The following RASIP1 variants were observed in gnomAD, a reference collection of about 807,000 sequenced individuals.
RASIP1 encodes ras-interacting protein 1.
RASIP1 carries 20 observed loss-of-function variants against 85.3 expected under a neutral mutation model. The observed-to-expected ratio is 0.23, with a 90% CI of 0.17 to 0.34. The LOEUF (loss-of-function observed/expected upper bound fraction) is 0.34. Among genes scored for constraint, RASIP1 ranks in the 10% least tolerant of loss-of-function variants. The probability of loss-of-function intolerance (pLI) is 1.00; values close to 1 mark genes in which losing one functional copy is unlikely to be tolerated. For missense variants in RASIP1, 1,170 were observed against 1,390.9 expected, an observed-to-expected ratio of 0.84 and a Z score of 2.53; for synonymous variants, 617 against 647.1, an observed-to-expected ratio of 0.95 and a Z score of 0.71.
chr19:48,728,143 A>G (rs2033375376), intron 5 of RASIP1, among the ~76,000 whole-genome samples: 1 of 152,008 alleles, frequency 6.6e-6, no homozygotes, highest in African/African-American at 2.4e-5. Context: ...GTTAGGCCCT[A>G]GCTCAATAGG....
chr19:48,731,556 A>C (rs2033458939), intron 4 of RASIP1, among the ~76,000 whole-genome samples: 1 of 152,206 alleles, frequency 6.6e-6, no homozygotes, highest in South Asian at 2.1e-4. Context: ...GAAGACAGGC[A>C]TTCCAGAAGA....
chr19:48,729,447 G>A lies in RASIP1; in HGVS notation c.1323C>T (p.Arg441=), dbSNP rs755559742. 8.9e-6 allele frequency: 14 copies of A among 1,566,416 alleles called. No homozygotes were observed. The highest frequency in any genetic ancestry group is 7.6e-5 in the Admixed American group (4 of 52,782). The change falls in exon 5 of 12, where the codon CGC becomes CGT. Residue 441 remains arginine (R), a synonymous_variant. Transcript: ENST00000222145. ...PDILPRHCTV[R]AGPEHPAMVR... The stretch of plus-strand genomic sequence containing the variant: ...CCATGGCCGGGTGCTCAGGGCCCGC[G>A]CGCACTGTGCAGTGACGCGGCAGGA...
Position 48,738,838 on chromosome 19 carries a change from C to G in RASIP1, c.823+122G>C. The stretch of plus-strand genomic sequence containing the variant: ...CGCACCGTCCAGTCCCCTCCCAGTC[C>G]CCTCCCGCGGGCCCCGCCCCCAGCC... On this transcript the variant is annotated intron_variant, in intron 3 of 11. Transcript: ENST00000222145. The surrounding 1 kb of genome is among the most constrained non-coding windows in gnomAD (Gnocchi z 4.0). The G allele has an allele frequency of 9.0e-7, 1 of 1,105,422 alleles. No individual in the cohort carries two copies. The highest frequency in any genetic ancestry group is 1.1e-6 in the Non-Finnish European group (1 of 890,302). The allele number at this position is 1,105,422 out of a possible 1,614,324, so 68.5% of individuals were successfully genotyped here.
chr19:48,729,245 C>A lies in RASIP1; in HGVS notation c.1525G>T (p.Ala509Ser). ...RPPWLPARPGATPPGPGWAFS... is the reference protein window; with the variant it reads ...RPPWLPARPGSTPPGPGWAFS... ...GCCCAGCCAGGGCCTGGCGGCGTGG[C>A]CCCGGGGCGCGCGGGCAGCCACGGC... The change falls in exon 5 of 12, where the codon GCC (alanine) becomes TCC (serine). Residue 509 changes from alanine to serine, a missense_variant. Ala to Ser is a moderately conservative substitution (Grantham distance 99). Around this residue, in one of 4 missense-constraint regions of RASIP1, gnomAD observed 426 missense variants for 576.2 expected, o/e 0.74. Coordinates refer to ENST00000222145, the MANE Select transcript of RASIP1 (RefSeq NM_017805.3). The A allele has an allele frequency of 6.9e-7, 1 of 1,441,498 alleles. No individual in the cohort carries two copies. Among genetic ancestry groups the A allele is most frequent in the South Asian group, 1.4e-5 (1 of 69,094 alleles). 89.3% of individuals were successfully genotyped at this position (1,441,498 alleles called of 1,614,324 possible).
At chr19:48,721,694 T>G (rs1350457800) in intron 11 of RASIP1, among the ~76,000 whole-genome samples, 160 bp downstream of exon 11, 1 of 152,110 alleles carries the variant, frequency 6.6e-6, no homozygotes, top group Non-Finnish European at 1.5e-5. Flanking sequence ...TCCCAGCTAC[T>G]CGGGAGGCTG....
rs951574484 is a variant in RASIP1 at position 48,740,072 on chromosome 19, G to C, written c.137+74C>G. ...TGAGGACCGGAGCCAACACTTTGCA[G>C]GGACTGGGCAGTGAACAGGGACAGA... is the stretch of plus-strand genomic sequence containing the variant. On this transcript the variant is annotated intron_variant, in intron 2 of 11. Transcript: ENST00000222145. This position sits in a 1 kb window ranked among gnomAD's most constrained non-coding sequence, Gnocchi z 5.5. 1 of 1,469,774 alleles carries C rather than the reference G, an allele frequency of 6.8e-7. No individual in the cohort carries two copies. Among genetic ancestry groups the C allele is most frequent in the Non-Finnish European group, 9.0e-7 (1 of 1,111,926 alleles). The allele number at this position is 1,469,774 out of a possible 1,614,324, so 91.0% of individuals were successfully genotyped here.
chr19:48,728,747 G>GC (rs1568478110), intron 5 of RASIP1, among the ~76,000 whole-genome samples, 190 bp downstream of exon 5: 1 of 151,014 alleles, frequency 6.6e-6, no homozygotes, highest in Non-Finnish European at 1.5e-5. Context: ...GGGTAACAGA[G>GC]CGAGACTCCG....
intron 5 of RASIP1, among the ~76,000 whole-genome samples, chr19:48,728,593 G>C (rs2033383729): frequency 6.6e-6 from 1 of 152,020 alleles, no homozygotes. Flanking sequence ...GTGAAACCCC[G>C]TCTTACTAAA....
intron 3 of RASIP1, chr19:48,737,639 G>A: frequency 4.1e-6 from 4 of 985,306 alleles, no homozygotes; most frequent in Non-Finnish European, 4.8e-6. Flanking sequence ...TCACTCTGCA[G>A]GTGTCGCCCC....
At chr19:48,729,668 C>A in intron 4 of RASIP1, 78 bp from the exon 5 acceptor site, 138 of 955,252 alleles carry the variant, frequency 1.4e-4, no homozygotes, top group Middle Eastern at 6.6e-4. Context: ...TTTTCTACAA[C>A]AACTTTTCTA....
At position 48,735,288 on chromosome 19, in the gene RASIP1, G is replaced by A. The variant is rs776967874; in HGVS notation, c.1087C>T (p.Pro363Ser). 9 of 1,613,960 alleles carry A rather than the reference G, an allele frequency of 5.6e-6. No homozygotes were observed. In the Admixed American group the frequency reaches 1.5e-4, roughly 27 times the overall value. Reference protein sequence around the residue: ...AADAQIGTADPGDFDQLTQCL... With the variant: ...AADAQIGTADSGDFDQLTQCL... ...TGAGTCAACTGATCGAAGTCCCCGG[G>A]GTCTGCAGTTCCGATTTGGGCGTCG... The change falls in exon 4 of 12, where the codon CCC becomes TCC. Residue 363 changes from proline (P) to serine (S), a missense_variant. Physicochemically the swap from Pro to Ser is moderately conservative, Grantham distance 74. This residue lies in a region of RASIP1 where 301 missense variants were observed against 294.8 expected (regional missense o/e 1.02). Transcript: ENST00000222145.
Position 48,721,840 on chromosome 19 carries a change from C to A in RASIP1, c.2692+14G>T. The stretch of plus-strand genomic sequence containing the variant: ...AAGCTGACAGCCCCAATGCTGTATC[C>A]CATTGCTCCTCACCTGTGTCCACAG... On this transcript the variant is annotated intron_variant, in intron 11 of 11. Transcript: ENST00000222145. 6.2e-7 allele frequency: 1 copy of A among 1,600,038 alleles called. No homozygotes were observed. The highest frequency in any genetic ancestry group is 8.5e-7 in the Non-Finnish European group (1 of 1,174,324).
chr19:48,725,109 G>GA lies in RASIP1; in HGVS notation c.2128-150dup, dbSNP rs1266479550. ...CAGTCAACACCCAAAGGGTCTCCGT[G>GA]AGCAAATCCCTACTTGATAGAAGGG... is the stretch of plus-strand genomic sequence containing the variant. On this transcript the variant is annotated intron_variant, in intron 8 of 11. Coordinates refer to ENST00000222145, the MANE Select transcript of RASIP1 (RefSeq NM_017805.3). 3.4e-6 allele frequency: 3 copies of GA among 882,740 alleles called. No individual in the cohort carries two copies. In the Admixed American group the frequency reaches 8.7e-5, roughly 26 times the overall value. The allele number at this position is 882,740 out of a possible 1,614,324, so 54.7% of individuals were successfully genotyped here. A position where few individuals can be genotyped will look rare whatever the true frequency, so the allele number is the denominator to read the frequency against.
At position 48,740,487 on chromosome 19, in the gene RASIP1, G is replaced by A. The variant is rs1311729994; in HGVS notation, c.-5+34C>T. On this transcript the variant is annotated intron_variant, in intron 1 of 11. Transcript: ENST00000222145. This position sits in a 1 kb window ranked among gnomAD's most constrained non-coding sequence, Gnocchi z 5.5. ...GGACTGAGTCTTGGGGCCCAGGGAGGAGGGGTTTGGGCTGCTGGGTCCCTG... is the reference window on the plus strand; with the variant it reads ...GGACTGAGTCTTGGGGCCCAGGGAGAAGGGGTTTGGGCTGCTGGGTCCCTG... 2.1e-6 allele frequency: 3 copies of A among 1,402,382 alleles called. No homozygotes were observed. The highest frequency in any genetic ancestry group is 3.3e-5 in the South Asian group (2 of 60,486). The allele number at this position is 1,402,382 out of a possible 1,614,324, so 86.9% of individuals were successfully genotyped here. A position where few individuals can be genotyped will look rare whatever the true frequency, so the allele number is the denominator to read the frequency against.
rs754613166 is a variant in RASIP1, at chr19:48,724,947, G to C, written c.2141C>G (p.Thr714Arg). The C allele has an allele frequency of 5.0e-5, 80 of 1,611,638 alleles. No homozygotes were observed. The highest frequency in any genetic ancestry group is 2.8e-4 in the African/African-American group (21 of 74,880). ...VYYLTKTLYS[T>R]LPALLDSNPF... ...GTTACTATCCAGGAGAGCAGGCAGC[G>C]TTGAATAGAGAGTCTGAGAAAATAG... Residue 714 changes from threonine (T) to arginine (R), a missense_variant, in exon 9 of 12, where the codon ACG (threonine) becomes AGG (arginine). This residue lies in a region of RASIP1 where 426 missense variants were observed against 576.2 expected (regional missense o/e 0.74). Transcript: ENST00000222145. This position sits in a 1 kb window ranked among gnomAD's most constrained non-coding sequence, Gnocchi z 4.6.
chr19:48,720,999 T>A lies in RASIP1; in HGVS notation c.2693-2A>T, dbSNP rs1282197431. The A allele has an allele frequency of 6.3e-7, 1 of 1,592,128 alleles. No homozygotes were observed. The highest frequency in any genetic ancestry group is 1.1e-5 in the South Asian group (1 of 90,286). On this transcript the variant is annotated splice_acceptor_variant, in intron 11 of 11. Transcript: ENST00000222145. LOFTEE classifies it high-confidence loss of function. ...AGGAGAAGCTTTCGAAGATGTCCCC[T>A]GTGAGGCCGAAGGCGGCGCGGTTAG... is the stretch of plus-strand genomic sequence containing the variant.
intron 4 of RASIP1, among the ~76,000 whole-genome samples, chr19:48,733,090 C>T (rs927414362): frequency 6.6e-6 from 1 of 152,184 alleles, no homozygotes; most frequent in African/African-American, 2.4e-5. Context: ...GTGGTGTGAT[C>T]ACAGCTTACT....
At chr19:48,721,514 G>A (rs1018595844) in intron 11 of RASIP1, among the ~76,000 whole-genome samples, 1 of 152,128 alleles carries the variant, frequency 6.6e-6, no homozygotes, top group African/African-American at 2.4e-5. Flanking sequence ...AAGATCCTGA[G>A]AAAAGAAGAA....
rs2033309971 is a variant in RASIP1, at chr19:48,724,626, G to A, written c.2371+91C>T. The A allele has an allele frequency of 6.3e-7, 1 of 1,579,788 alleles. No individual in the cohort carries two copies. The highest frequency in any genetic ancestry group is 2.2e-5 in the East Asian group (1 of 44,550). ...GAGCTTGTTCTCCAGGGTACCCAAA[G>A]GTGAGGCTTGAGCCCGTGGTGTGTC... On this transcript the variant is annotated intron_variant, in intron 9 of 11. Coordinates refer to ENST00000222145, the MANE Select transcript of RASIP1 (RefSeq NM_017805.3). This position sits in a 1 kb window ranked among gnomAD's most constrained non-coding sequence, Gnocchi z 4.6.
Sources: gnomAD v4.1 joint callset for allele counts (sites outside exome capture counted in the v4.1 genomes callset) on GRCh38, gnomAD v4.1.1 for gene constraint, gnomAD v4.1.1 regional missense constraint, Gnocchi (gnomAD v3.1) non-coding constraint, MANE v1.5 for transcripts, NCBI Gene and HGNC (gene_info 2026-07-23, HGNC 2026-07-21) for gene names.